SOX6: variants seen among roughly 807,000 people sequenced by gnomAD.
The protein encoded by SOX6 is SRY-box transcription factor 6.
SOX6 carries 11 observed loss-of-function variants against 97.8 expected under a neutral mutation model. That is an observed-to-expected ratio of 0.11 (90% CI 0.07 to 0.19). The LOEUF (loss-of-function observed/expected upper bound fraction) is 0.19. SOX6 is among the 10% of genes least tolerant of loss of function. The probability of loss-of-function intolerance (pLI) is 1.00; values close to 1 mark genes in which losing one functional copy is unlikely to be tolerated. For missense variants in SOX6, 810 were observed against 1,039.5 expected, an observed-to-expected ratio of 0.78 and a Z score of 3.04; for synonymous variants, 360 against 371.4, an observed-to-expected ratio of 0.97 and a Z score of 0.35.
chr11:15,985,218 T>C (rs1014889393), intron 15 of SOX6, among the ~76,000 whole-genome samples: 2 of 152,226 alleles, frequency 1.3e-5, no homozygotes, highest in Non-Finnish European at 2.9e-5. Flanking sequence ...TTGAGTGCCC[T>C]TAAAAGTGAA....
intron 3 of SOX6, among the ~76,000 whole-genome samples, chr11:16,310,279 GT>G (rs1455623942): frequency 6.6e-6 from 1 of 151,882 alleles, no homozygotes; most frequent in African/African-American, 2.4e-5. Context: ...CTCATTTTAA[GT>G]TTTTTAAGGT....
intron 2 of SOX6, among the ~76,000 whole-genome samples, chr11:16,337,740 T>G (rs937571689): frequency 2.0e-5 from 3 of 152,144 alleles, no homozygotes; most frequent in African/African-American, 7.2e-5. Context: ...AATAGGTAAT[T>G]ATGATTAAAA....
intron 4 of SOX6, among the ~76,000 whole-genome samples, chr11:16,558,291 C>T (rs1847770594): frequency 6.6e-6 from 1 of 151,938 alleles, no homozygotes; most frequent in African/African-American, 2.4e-5. Flanking sequence ...CTGGGATTTA[C>T]CTGGAAAACT....
intron 3 of SOX6, among the ~76,000 whole-genome samples, chr11:16,268,396 G>A (rs911674904): frequency 6.6e-6 from 1 of 151,204 alleles, no homozygotes; most frequent in Admixed American, 6.6e-5. Context: ...ATAAGACTAT[G>A]TTGCTATATA....
chr11:16,386,066 T>A (rs1857974640), intron 1 of SOX6, among the ~76,000 whole-genome samples: 1 of 152,158 alleles, frequency 6.6e-6, no homozygotes, highest in Admixed American at 6.6e-5. Flanking sequence ...TTCAAAGCTG[T>A]CTTTGGCAAA....
chr11:16,510,133 G>T (rs1201967028), intron 4 of SOX6, among the ~76,000 whole-genome samples: 1 of 152,002 alleles, frequency 6.6e-6, no homozygotes, highest in Non-Finnish European at 1.5e-5. Flanking sequence ...GGAAGGAAAA[G>T]GTTGCCACTC....
In SOX6 at chr11:16,467,579, A is replaced by G. The variant is rs1161589945; in HGVS notation, c.-5+8736T>C. Among the ~76,000 whole-genome samples the G allele has an allele frequency of 2.0e-5, 3 of 152,234 alleles. 1 individual carries two copies. Among genetic ancestry groups the G allele is most frequent in the East Asian group, 3.9e-4 (2 of 5,192 alleles). ...ATATTCTTACTTAAAAGTGAGAGCTAAGTGATGAGAACACATGGACACATA... is the reference window on the plus strand; with the variant it reads ...ATATTCTTACTTAAAAGTGAGAGCTGAGTGATGAGAACACATGGACACATA... On this transcript the variant is annotated intron_variant, in intron 1 of 15. Transcript: ENST00000396356.
At chr11:16,141,289 G>A (rs1850130860) in intron 6 of SOX6, among the ~76,000 whole-genome samples, 2 of 152,054 alleles carry the variant, frequency 1.3e-5, no homozygotes, top group Non-Finnish European at 2.9e-5. Flanking sequence ...GAGATTACAG[G>A]TATTCAGGTA....
Position 16,096,040 on chromosome 11 carries a change from A to G in SOX6, c.1057T>C (p.Phe353Leu). 1.9e-6 allele frequency: 3 copies of G among 1,611,578 alleles called. No individual in the cohort carries two copies. Among genetic ancestry groups the G allele is most frequent in the Non-Finnish European group, 2.5e-6 (3 of 1,178,426 alleles). The change falls in exon 9 of 16, where the codon TTT (phenylalanine) becomes CTT (leucine). Residue 353 changes from phenylalanine to leucine, a missense_variant. Phe to Leu is a conservative substitution (Grantham distance 22). This residue lies in a region of SOX6 where 244 missense variants were observed against 261.0 expected (regional missense o/e 0.93). Transcript: ENST00000683767. ...TAAGAGTGGCCACCACCATGTTCAAAGGTGTCCAAATTCCTGCCAAAACGG... is the reference window on the plus strand; with the variant it reads ...TAAGAGTGGCCACCACCATGTTCAAGGGTGTCCAAATTCCTGCCAAAACGG... ...SDRFGRNLDTFEHGGGHSYNH... is the reference protein window; with the variant it reads ...SDRFGRNLDTLEHGGGHSYNH...
chr11:15,973,041 G>A lies in SOX6; in HGVS notation c.2255C>T (p.Thr752Ile), dbSNP rs1853364787. The A allele has an allele frequency of 6.2e-7, 1 of 1,614,044 alleles. No homozygotes were observed. Among genetic ancestry groups the A allele is most frequent in the Admixed American group, 1.7e-5 (1 of 59,984 alleles). ...VYPGAITMAT[T>I]TPSPQMTSDC... is the part of the protein sequence containing the mutation. The stretch of plus-strand genomic sequence containing the variant: ...AGATGTCATCTGAGGCGATGGTGTG[G>A]TAGTTGCCATAGTGATAGCACCAGG... Residue 752 changes from threonine (T) to isoleucine (I), a missense_variant, in exon 16 of 16, where the codon ACC becomes ATC. By Grantham distance (89) the Thr-to-Ile change is moderately conservative. This residue lies in a region of SOX6 where 122 missense variants were observed against 153.4 expected (regional missense o/e 0.80). Transcript: ENST00000683767.
chr11:16,003,810 C>A (rs1198465497), intron 13 of SOX6, among the ~76,000 whole-genome samples: 1 of 151,798 alleles, frequency 6.6e-6, no homozygotes, highest in African/African-American at 2.4e-5. Flanking sequence ...GGAAAATGTA[C>A]CCATAGTTGC....
rs1848328367 is a variant in SOX6, at chr11:16,605,883, A to C, written n.609+6198T>G. 3 of 152,020 alleles carry C rather than the reference A, an allele frequency of 2.0e-5. No individual in the cohort carries two copies. The highest frequency in any genetic ancestry group is 2.0e-4 in the Admixed American group (3 of 15,270). The allele number at this position is 152,020 out of a possible 1,614,324, so 9.4% of individuals were successfully genotyped here. On this transcript the variant is annotated intron_variant and non_coding_transcript_variant, in intron 4 of 5. Coordinates refer to the SOX6 transcript ENST00000524520. The surrounding 1 kb of genome is among the most constrained non-coding windows in gnomAD (Gnocchi z 5.3). ...CCAACACTTTTCAAGAAAACAAAAT[A>C]TTTGCTAGGAAACTTACTTTGCATT...
At chr11:16,379,405 G>A (rs1450693310) in intron 1 of SOX6, among the ~76,000 whole-genome samples, 1 of 152,050 alleles carries the variant, frequency 6.6e-6, no homozygotes, top group Non-Finnish European at 1.5e-5. Flanking sequence ...GGCAGAGGTT[G>A]TGGTGAGCCG....
chr11:16,497,411 T>C (rs1860619785), intron 4 of SOX6, among the ~76,000 whole-genome samples: 1 of 151,860 alleles, frequency 6.6e-6, no homozygotes, highest in African/African-American at 2.4e-5. Context: ...TCAGAATGCC[T>C]CTCCTCCTCC....
chr11:16,628,753 G>A (rs578006859), intron 3 of SOX6, among the ~76,000 whole-genome samples: 1 of 152,268 alleles, frequency 6.6e-6, no homozygotes, highest in African/African-American at 2.4e-5. Context: ...TCCAATGCAT[G>A]AGCATGAAAT....
intron 3 of SOX6, among the ~76,000 whole-genome samples, chr11:16,683,491 G>T (rs1328288344): frequency 1.7e-4 from 26 of 152,182 alleles, no homozygotes; most frequent in African/African-American, 4.8e-4. Flanking sequence ...GGGAAAGGAT[G>T]CCCTATTTAA....
chr11:16,426,697 G>A (rs892309184), intron 1 of SOX6, among the ~76,000 whole-genome samples: 4 of 151,630 alleles, frequency 2.6e-5, no homozygotes, highest in Non-Finnish European at 4.4e-5. Context: ...GGCGGATCAC[G>A]AGGTCAGGAG....
intron 6 of SOX6, among the ~76,000 whole-genome samples, chr11:16,141,394 A>G (rs1385485371): frequency 6.6e-6 from 1 of 152,116 alleles, no homozygotes; most frequent in Non-Finnish European, 1.5e-5. Flanking sequence ...CAGTTCCAAG[A>G]TGGCCAAATA....
chr11:16,608,246 G>A (rs1848358452), intron 4 of SOX6, among the ~76,000 whole-genome samples: 1 of 152,082 alleles, frequency 6.6e-6, no homozygotes, highest in African/African-American at 2.4e-5. Flanking sequence ...GAGAAAGTGA[G>A]GAAGTCAAAT....
Sources: allele counts gnomAD v4.1 joint callset (sites outside exome capture counted in the v4.1 genomes callset), GRCh38; gene constraint gnomAD v4.1.1; regional missense constraint gnomAD v4.1.1; non-coding constraint Gnocchi (gnomAD v3.1); transcripts MANE v1.5; gene names NCBI Gene and HGNC (gene_info 2026-07-23, HGNC 2026-07-21).